The following CLSTN2 variants were observed in gnomAD, a reference collection of about 807,000 sequenced individuals.
CLSTN2 encodes the protein calsyntenin 2, also known as calsyntenin-2.
CLSTN2 carries 48 observed loss-of-function variants against 101.2 expected under a neutral mutation model. The observed-to-expected ratio is 0.47, with a 90% confidence interval of 0.38 to 0.60. The LOEUF (loss-of-function observed/expected upper bound fraction) is 0.60. CLSTN2 is among the 20% of genes least tolerant of loss of function. The probability of loss-of-function intolerance (pLI) is 0.00; values close to 1 mark genes in which losing one functional copy is unlikely to be tolerated. For synonymous variants in CLSTN2, 481 were observed against 463.6 expected, an observed-to-expected ratio of 1.04 and a Z score of -0.48; for missense variants, 1,160 against 1,238.2, an observed-to-expected ratio of 0.94 and a Z score of 0.95.
chr3:140,312,643 G>A (rs1183468992), intron 2 of CLSTN2, among the ~76,000 whole-genome samples: 2 of 152,172 alleles, frequency 1.3e-5, no homozygotes, highest in Admixed American at 1.3e-4. Flanking sequence ...CATGTTGTTA[G>A]CATTGTCAGG....
chr3:140,125,050 C>T (rs1223402507), intron 1 of CLSTN2, among the ~76,000 whole-genome samples: 1 of 152,036 alleles, frequency 6.6e-6, no homozygotes, highest in African/African-American at 2.4e-5. Context: ...TGAGAACTAA[C>T]CACTGGATTT....
At chr3:140,481,022 A>G (rs1934105403) in intron 8 of CLSTN2, among the ~76,000 whole-genome samples, 1 of 152,224 alleles carries the variant, frequency 6.6e-6, no homozygotes, top group African/African-American at 2.4e-5. Context: ...GTCCTTGCCC[A>G]TGCCTATGTC....
chr3:140,487,248 C>T (rs1333197767), intron 8 of CLSTN2, among the ~76,000 whole-genome samples: 1 of 152,184 alleles, frequency 6.6e-6, no homozygotes, highest in East Asian at 1.9e-4. Context: ...TGGGTATCCA[C>T]AAAGATCTCA....
intron 1 of CLSTN2, among the ~76,000 whole-genome samples, chr3:140,023,722 C>T (rs2007364755): frequency 6.6e-6 from 1 of 152,168 alleles, no homozygotes; most frequent in Admixed American, 6.5e-5. Flanking sequence ...CAGGGGAGCT[C>T]CGAGCAGACT....
intron 1 of CLSTN2, among the ~76,000 whole-genome samples, chr3:140,130,451 A>C (rs1254751393): frequency 6.6e-6 from 1 of 152,182 alleles, no homozygotes; most frequent in Non-Finnish European, 1.5e-5. Context: ...TGCCTGAGGA[A>C]ATGGACATCA....
At chr3:140,452,268 T>G (rs570345857) in intron 6 of CLSTN2, among the ~76,000 whole-genome samples, 62 of 152,104 alleles carry the variant, frequency 4.1e-4, no homozygotes, top group Non-Finnish European at 8.1e-4. Context: ...GCCCTGATGT[T>G]CTGCTTCTGC....
chr3:140,005,229 A>G (rs2006929544), intron 1 of CLSTN2, among the ~76,000 whole-genome samples: 1 of 151,904 alleles, frequency 6.6e-6, no homozygotes. Context: ...ATTCTCTAAC[A>G]CTCTGATGTC....
chr3:140,097,641 G>T (rs933280929), intron 1 of CLSTN2, among the ~76,000 whole-genome samples: 1 of 152,104 alleles, frequency 6.6e-6, no homozygotes, highest in Non-Finnish European at 1.5e-5. Context: ...AAATGATGGG[G>T]GCGGTCAGAG....
At chr3:140,486,058 G>A (rs186571703) in intron 8 of CLSTN2, among the ~76,000 whole-genome samples, 127 of 151,980 alleles carry the variant, frequency 8.4e-4, no homozygotes, top group Middle Eastern at 3.4e-3. Flanking sequence ...GCTGTAGAAT[G>A]GAGCTGTTCC....
intron 9 of CLSTN2, among the ~76,000 whole-genome samples, chr3:140,537,654 CA>C (rs1470754497): frequency 5.9e-5 from 9 of 152,184 alleles, no homozygotes; most frequent in Non-Finnish European, 1.0e-4. Flanking sequence ...TGGCTTTAGA[CA>C]AATACCAGGT....
chr3:140,028,288 G>T (rs967462520), intron 1 of CLSTN2, among the ~76,000 whole-genome samples: 1 of 152,122 alleles, frequency 6.6e-6, no homozygotes, highest in African/African-American at 2.4e-5. Context: ...AGGGGAAGAG[G>T]GGCACTCAGA....
At chr3:140,186,937 A>T (rs752825430) in intron 2 of CLSTN2, among the ~76,000 whole-genome samples, 4 of 152,190 alleles carry the variant, frequency 2.6e-5, no homozygotes, top group East Asian at 1.9e-4. Context: ...AAACAAAACA[A>T]ATTTGGGAAG....
chr3:140,267,178 G>A (rs2086700159), intron 2 of CLSTN2, among the ~76,000 whole-genome samples: 1 of 152,174 alleles, frequency 6.6e-6, no homozygotes, highest in Non-Finnish European at 1.5e-5. Context: ...CTTCCTGTTT[G>A]TTATACTGTG....
intron 2 of CLSTN2, among the ~76,000 whole-genome samples, chr3:140,298,756 G>T (rs1222820300): frequency 6.6e-6 from 1 of 152,164 alleles, no homozygotes; most frequent in Admixed American, 6.5e-5. Flanking sequence ...TGCAGTGGGG[G>T]TAATTAACAT....
At chr3:140,400,054 A>G (rs769100497) in intron 2 of CLSTN2, among the ~76,000 whole-genome samples, 20 of 151,806 alleles carry the variant, frequency 1.3e-4, no homozygotes, top group South Asian at 8.3e-4. Context: ...TACAGGATGT[A>G]ATGTGAATAA....
At chr3:140,320,973 C>G (rs1268881773) in intron 2 of CLSTN2, among the ~76,000 whole-genome samples, 1 of 152,124 alleles carries the variant, frequency 6.6e-6, no homozygotes, top group Admixed American at 6.5e-5. Flanking sequence ...CACTGGGTGC[C>G]AGAAGTAACC....
chr3:140,179,781 T>C (rs938205808), intron 2 of CLSTN2, among the ~76,000 whole-genome samples: 4 of 152,172 alleles, frequency 2.6e-5, no homozygotes, highest in Admixed American at 1.3e-4. Context: ...ATGAGTGTTC[T>C]AGAGTTTACC....
At chr3:140,120,774 C>T (rs1358895842) in intron 1 of CLSTN2, among the ~76,000 whole-genome samples, 1 of 152,222 alleles carries the variant, frequency 6.6e-6, no homozygotes, top group Non-Finnish European at 1.5e-5. Context: ...TTCAGGGCTT[C>T]CTCACTGGGC....
chr3:140,182,008 G>A (rs919524772), intron 2 of CLSTN2, among the ~76,000 whole-genome samples: 13 of 152,172 alleles, frequency 8.5e-5, no homozygotes, highest in Non-Finnish European at 1.8e-4. Flanking sequence ...CCCATGCTGA[G>A]TGAGTCATTC....
Sources: gnomAD v4.1 joint callset for allele counts (sites outside exome capture counted in the v4.1 genomes callset) on GRCh38, gnomAD v4.1.1 for gene constraint, MANE v1.5 for transcripts, NCBI Gene and HGNC (gene_info 2026-07-23, HGNC 2026-07-21) for gene names.